Variants in PTPN2 observed in about 807,000 individuals in gnomAD.
PTPN2 encodes the protein tyrosine-protein phosphatase non-receptor type 2.
In PTPN2, 19 loss-of-function variants were observed where a neutral mutation model predicts 57.3. The observed-to-expected ratio is 0.33, with a 90% CI of 0.23 to 0.49. PTPN2 has a LOEUF of 0.49. Ranked by LOEUF, PTPN2 falls within the 20% of genes least tolerant of loss-of-function variation. PTPN2 has a pLI of 0.99. For synonymous variants in PTPN2, 153 were observed against 164.9 expected, an observed-to-expected ratio of 0.93 and a Z score of 0.55; for missense variants, 358 against 501.1, an observed-to-expected ratio of 0.71 and a Z score of 2.73.
intron 4 of PTPN2, 87 bp downstream of exon 4, chr18:12,830,856 G>C: frequency 9.7e-7 from 1 of 1,026,232 alleles, no homozygotes; most frequent in Non-Finnish European, 1.4e-6. Flanking sequence ...CAAAACTAAG[G>C]AATGAATATT....
chr18:12,827,351 A>AT (rs1446288835), intron 4 of PTPN2, among the ~76,000 whole-genome samples: 68 of 142,662 alleles, frequency 4.8e-4, no homozygotes, highest in Admixed American at 3.7e-4. Flanking sequence ...TCAAAAAAAA[A>AT]AAAAAATAAT....
intron 1 of PTPN2, among the ~76,000 whole-genome samples, chr18:12,872,895 T>C (rs2044317634): frequency 1.3e-5 from 2 of 152,224 alleles, no homozygotes; most frequent in Non-Finnish European, 2.9e-5. Flanking sequence ...CTATTTCAGA[T>C]AATGGCACTG....
At chr18:12,841,810 T>A (rs572255979) in intron 2 of PTPN2, among the ~76,000 whole-genome samples, 31 of 152,294 alleles carry the variant, frequency 2.0e-4, no homozygotes, top group Admixed American at 5.2e-4. Flanking sequence ...ATAGGTAAAA[T>A]TCATTAGTTT....
chr18:12,816,372 C>G (rs2042074315), intron 6 of PTPN2, among the ~76,000 whole-genome samples: 1 of 152,144 alleles, frequency 6.6e-6, no homozygotes, highest in African/African-American at 2.4e-5. Context: ...TATTGATAAT[C>G]TTAGAACACG....
Position 12,802,123 on chromosome 18 carries a change from T to C in PTPN2, c.887A>G (p.Asp296Gly). 1 of 1,609,902 alleles carries C rather than the reference T, an allele frequency of 6.2e-7. No individual in the cohort carries two copies. The highest frequency in any genetic ancestry group is 8.5e-7 in the Non-Finnish European group (1 of 1,178,164). Residue 296 changes from aspartate to glycine, a missense_variant, in exon 8 of 9, where the codon GAC becomes GGC. Physicochemically the swap from Asp to Gly is moderately conservative, Grantham distance 94. Transcript: ENST00000309660. ...TGAATGATCAAAGGCAGGAGATAAGTCTTCCTTAGAAAGTTCTTTCCATCG... is the reference window on the plus strand; with the variant it reads ...TGAATGATCAAAGGCAGGAGATAAGCCTTCCTTAGAAAGTTCTTTCCATCG... The part of the protein sequence containing the change: ...QKRWKELSKE[D>G]LSPAFDHSPN...
chr18:12,831,434 C>G (rs1202282448), intron 3 of PTPN2, among the ~76,000 whole-genome samples: 1 of 152,196 alleles, frequency 6.6e-6, no homozygotes, highest in Non-Finnish European at 1.5e-5. Flanking sequence ...TTTGCTGGCA[C>G]TGCCATATGA....
intron 1 of PTPN2, among the ~76,000 whole-genome samples, chr18:12,883,112 G>A (rs2044718347): frequency 6.6e-6 from 1 of 152,216 alleles, no homozygotes; most frequent in Non-Finnish European, 1.5e-5. Context: ...TCGGAACACC[G>A]TGCCCCCGGG....
chr18:12,877,459 T>G (rs1397909160), intron 1 of PTPN2, among the ~76,000 whole-genome samples: 1 of 151,986 alleles, frequency 6.6e-6, no homozygotes, highest in African/African-American at 2.4e-5. Context: ...TGTGAGAGAG[T>G]AGCCAATCTT....
chr18:12,816,424 T>C lies in PTPN2; in HGVS notation c.705+732A>G, dbSNP rs550782655. Among the ~76,000 whole-genome samples, 12 of 151,970 alleles carry C rather than the reference T, an allele frequency of 7.9e-5. No individual in the cohort carries two copies. In the South Asian group the frequency reaches 2.3e-3, roughly 29 times the overall value. ...TAAGCTGCAGGGACTACTGAAGGAG[T>C]AGATGGCATGGAAATCAAAGCAGAC... On this transcript the variant is annotated intron_variant, in intron 6 of 8. Transcript: ENST00000309660.
At chr18:12,883,777 G>A (rs548614227) in intron 1 of PTPN2, 130 of 287,008 alleles carry the variant, frequency 4.5e-4, no homozygotes, top group African/African-American at 2.6e-3. Flanking sequence ...AACGCTGGTG[G>A]CGCATCCACG....
At chr18:12,882,943 G>A (rs2044710011) in intron 1 of PTPN2, among the ~76,000 whole-genome samples, 1 of 152,198 alleles carries the variant, frequency 6.6e-6, no homozygotes, top group African/African-American at 2.4e-5. Context: ...ATACGACAAG[G>A]ATTAAACGAA....
intron 8 of PTPN2, chr18:12,801,767 C>T (rs761780234): frequency 3.6e-6 from 2 of 551,834 alleles, no homozygotes; most frequent in Non-Finnish European, 6.4e-6. Context: ...TAAGGTCTCA[C>T]TATGTTGCCC....
chr18:12,831,052 A>G lies in PTPN2; in HGVS notation c.262-11T>C, dbSNP rs759749082. 2 of 1,558,966 alleles carry G rather than the reference A, an allele frequency of 1.3e-6. No homozygotes were observed. Among genetic ancestry groups the G allele is most frequent in the Non-Finnish European group, 1.8e-6 (2 of 1,131,120 alleles). ...GTTAGGAAGTGGACCCTGTGAAGAG[A>G]GAGGAGAGAGAGCAGATGAGGGAAG... On this transcript the variant is annotated splice_polypyrimidine_tract_variant and intron_variant, in intron 3 of 8. Transcript: ENST00000309660.
At chr18:12,826,601 C>T (rs2145355843) in intron 4 of PTPN2, among the ~76,000 whole-genome samples, 1 of 152,238 alleles carries the variant, frequency 6.6e-6, no homozygotes, top group African/African-American at 2.4e-5. Flanking sequence ...TGGAGTCTTG[C>T]TCTGTCGCCC....
chr18:12,869,867 T>C (rs1211173277), intron 1 of PTPN2, among the ~76,000 whole-genome samples: 1 of 152,178 alleles, frequency 6.6e-6, no homozygotes, highest in Non-Finnish European at 1.5e-5. Flanking sequence ...TGTTTGTGCA[T>C]ATACTCTCTA....
At chr18:12,819,165 T>A in intron 5 of PTPN2, 1 of 848,034 alleles carries the variant, frequency 1.2e-6, no homozygotes, top group Middle Eastern at 2.3e-4. Context: ...GTATATAAGG[T>A]ATAATACTAA....
intron 8 of PTPN2, among the ~76,000 whole-genome samples, chr18:12,799,330 T>C (rs1048807469): frequency 2.0e-5 from 3 of 151,514 alleles, no homozygotes; most frequent in African/African-American, 7.3e-5. Context: ...GGCAGGAGAA[T>C]TGCTTGAACC....
At chr18:12,876,172 G>C (rs75562576) in intron 1 of PTPN2, among the ~76,000 whole-genome samples, 15,760 of 151,692 alleles carry the variant, frequency 0.1, 1,010 homozygotes, top group Non-Finnish European at 0.15. Context: ...ACAAAATTCT[G>C]GTTAAGGGCT....
chr18:12,793,473 A>G lies in PTPN2; in HGVS notation c.*805T>C, dbSNP rs1418113644. On this transcript the variant is annotated 3_prime_UTR_variant, in exon 9 of 9. Transcript: ENST00000309660. Reference sequence around the variant, plus strand: ...CAATTTCTTTACAAAGTCTTGACCAACTGTTTACCTGACTATCCCAGTAAG... The same window carrying G: ...CAATTTCTTTACAAAGTCTTGACCAGCTGTTTACCTGACTATCCCAGTAAG... 2.1e-5 allele frequency: 21 copies of G among 977,228 alleles called. No homozygotes were observed. The highest frequency in any genetic ancestry group is 2.6e-5 in the Non-Finnish European group (21 of 822,078). The allele number at this position is 977,228 out of a possible 1,614,324, so 60.5% of individuals were successfully genotyped here. A position where few individuals can be genotyped will look rare whatever the true frequency, so the allele number is the denominator to read the frequency against.
Sources: allele counts gnomAD v4.1 joint callset (sites outside exome capture counted in the v4.1 genomes callset), GRCh38; gene constraint gnomAD v4.1.1; transcripts MANE v1.5; gene names NCBI Gene and HGNC (gene_info 2026-07-23, HGNC 2026-07-21).